Variants in PLD3 observed in about 807,000 individuals in gnomAD.
PLD3 encodes the protein 5'-3' exonuclease PLD3.
Under a neutral mutation model 58.4 loss-of-function variants are expected in PLD3, and 31 were observed. The observed-to-expected ratio is 0.53, with a 90% CI of 0.40 to 0.72. The LOEUF (loss-of-function observed/expected upper bound fraction) is 0.72. PLD3 is among the 30% of genes least tolerant of loss of function. The pLI is 0.00. For synonymous variants in PLD3, 264 were observed against 273.4 expected (o/e 0.97, Z 0.34); for missense variants, 595 against 659.8 (o/e 0.90, Z 1.08).
intron 6 of PLD3, among the ~76,000 whole-genome samples, chr19:40,369,638 T>C (rs1009637098): frequency 6.6e-6 from 1 of 152,196 alleles, no homozygotes; most frequent in Non-Finnish European, 1.5e-5. Flanking sequence ...GCCTTGATGC[T>C]GAATTTTGAG....
intron 1 of PLD3, among the ~76,000 whole-genome samples, chr19:40,362,115 G>T (rs1281151903): frequency 2.0e-5 from 3 of 152,160 alleles, no homozygotes; most frequent in Non-Finnish European, 4.4e-5. Flanking sequence ...GGCATTACAG[G>T]CGTGAGACAC....
chr19:40,351,174 T>G (rs1192498202), intron 1 of PLD3, among the ~76,000 whole-genome samples: 1 of 151,762 alleles, frequency 6.6e-6, no homozygotes, highest in African/African-American at 2.4e-5. Flanking sequence ...GAGGCTGCAG[T>G]GAGCCATGAT....
chr19:40,377,671 CTGTGGGAAGCAGTGGAGTCCCACA>C, intron 11 of PLD3, 91 bp from the exon 12 acceptor site: 2 of 746,582 alleles, frequency 2.7e-6, no homozygotes, highest in Non-Finnish European at 4.6e-6. Context: ...CCCGAGGATT[CTGTGGGAAGCAGTGGAGTCCCACA>C]GATCTCGCTC....
At chr19:40,353,786 A>G (rs528132339) in intron 1 of PLD3, among the ~76,000 whole-genome samples, 2 of 151,828 alleles carry the variant, frequency 1.3e-5, no homozygotes, top group South Asian at 2.1e-4. Context: ...CACTGTGTTA[A>G]CCAGGATGGT....
chr19:40,367,791 C>T lies in PLD3; in HGVS notation c.341C>T (p.Ala114Val), dbSNP rs192746231. 1.9e-5 allele frequency: 31 copies of T among 1,611,766 alleles called. No individual in the cohort carries two copies. The Admixed American group carries it at 3.3e-4, about 17-fold the overall frequency. Reference sequence around the variant, plus strand: ...AGCCAGGCCTGGCTGGGCCTGCTCGCCGGTGCGCACAGCAGCCTGGACATC... The same window carrying T: ...AGCCAGGCCTGGCTGGGCCTGCTCGTCGGTGCGCACAGCAGCCTGGACATC... The part of the protein sequence containing the change: ...STSQAWLGLL[A>V]GAHSSLDIAS... Residue 114 changes from alanine to valine, a missense_variant, in exon 6 of 13, where the codon GCC (alanine) becomes GTC (valine). Physicochemically the swap from Ala to Val is moderately conservative, Grantham distance 64 (BLOSUM62 0). Transcript: ENST00000409735.
intron 9 of PLD3, among the ~76,000 whole-genome samples, chr19:40,373,470 G>C (rs557580191): frequency 2.0e-5 from 3 of 151,930 alleles, no homozygotes; most frequent in African/African-American, 7.3e-5. Context: ...CCAGCTACTC[G>C]GGAGGCTGAG....
intron 9 of PLD3, among the ~76,000 whole-genome samples, chr19:40,372,816 G>A (rs986444792): frequency 3.3e-5 from 5 of 151,816 alleles, no homozygotes; most frequent in Admixed American, 6.6e-5. Flanking sequence ...TTGAGGCTGC[G>A]TGAGCTGATT....
At position 40,376,648 on chromosome 19, in the gene PLD3, C is replaced by T; in HGVS notation, c.1059C>T (p.Thr353=). The change falls in exon 11 of 13, where the codon ACC becomes ACT. Residue 353 remains threonine (T), a synonymous_variant. Coordinates refer to ENST00000409735, the MANE Select transcript of PLD3 (RefSeq NM_012268.4). ...PAIDDGLRRA[T]YERGVKVRLL... ...TTGACGATGGGCTGCGGCGGGCCAC[C>T]TACGAGCGTGGCGTCAAGGTGCGCC... is the stretch of plus-strand genomic sequence containing the variant. The T allele has an allele frequency of 6.2e-7, 1 of 1,608,048 alleles. No homozygotes were observed. The highest frequency in any genetic ancestry group is 8.5e-7 in the Non-Finnish European group (1 of 1,179,982).
At chr19:40,351,235 CA>C (rs1466679007) in intron 1 of PLD3, among the ~76,000 whole-genome samples, 4 of 118,172 alleles carry the variant, frequency 3.4e-5, no homozygotes, top group Admixed American at 1.0e-4. Flanking sequence ...TGTCTCAAAA[CA>C]AAAAAACAAA....
intron 6 of PLD3, 37 bp from the exon 7 acceptor site, chr19:40,369,871 C>G (rs893810207): frequency 2.6e-6 from 4 of 1,518,354 alleles, no homozygotes; most frequent in Non-Finnish European, 3.5e-6. Flanking sequence ...GGAGAGCTGG[C>G]TGGTCCAGCC....
chr19:40,370,510 C>CAA, intron 8 of PLD3: 43 of 211,170 alleles, frequency 2.0e-4, no homozygotes, highest in Middle Eastern at 1.7e-3. Flanking sequence ...CCATCTCTAC[C>CAA]AAAAAAAAAA....
intron 8 of PLD3, 51 bp from the exon 9 acceptor site, chr19:40,371,622 A>G (rs768639400): frequency 1.9e-5 from 24 of 1,292,796 alleles, no homozygotes; most frequent in Admixed American, 7.3e-5. Context: ...TGTCCCTGTC[A>G]TCTGTGAGCA....
Position 40,377,921 on chromosome 19 carries a change from AG to A in PLD3, c.1285+41del, listed in dbSNP as rs748460881. The A allele has an allele frequency of 3.7e-6, 6 of 1,612,622 alleles. No homozygotes were observed. In the South Asian group the frequency reaches 5.5e-5, roughly 15 times the overall value. On this transcript the variant is annotated intron_variant, in intron 12 of 12. Transcript: ENST00000409735. ...TGAGCACCACGGGGCGCTGAAGAAG[AG>A]GGGGTTCAGACACCAGGGGCGGCCC...
chr19:40,377,661 C>G, intron 11 of PLD3, 125 bp from the exon 12 acceptor site: 1 of 711,082 alleles, frequency 1.4e-6, no homozygotes, highest in East Asian at 2.7e-5. Flanking sequence ...TGTTCTGGCC[C>G]CCGAGGATTC....
intron 1 of PLD3, chr19:40,360,580 TAAAAAAAAAAA>T (rs67582213): frequency 9.7e-4 from 112 of 115,188 alleles, no homozygotes; most frequent in African/African-American, 3.6e-3. Flanking sequence ...GACTCCGTCT[TAAAAAAAAAAA>T]AAAAAAAAAA....
At chr19:40,377,430 C>CACAGGCAGAGGGGTCAGGGCTGGGATG (rs2079259347) in intron 11 of PLD3, among the ~76,000 whole-genome samples, 1 of 97,138 alleles carries the variant, frequency 1.0e-5, no homozygotes, top group East Asian at 3.0e-4. Context: ...GGGCCAGGGT[C>CACAGGCAGAGGGGTCAGGGCTGGGATG]GGGGGGCACA....
At chr19:40,376,494 A>C in intron 10 of PLD3, 115 bp from the exon 11 acceptor site, 4 of 929,200 alleles carry the variant, frequency 4.3e-6, no homozygotes, top group Non-Finnish European at 6.5e-6. Flanking sequence ...GCGATGAGGA[A>C]GTCCTCTCAA....
chr19:40,374,339 G>C (rs1300687529), intron 9 of PLD3, 142 bp from the exon 10 acceptor site: 1 of 809,740 alleles, frequency 1.2e-6, no homozygotes, highest in Non-Finnish European at 2.0e-6. Context: ...AAATGGATGT[G>C]GTGATTGACC....
chr19:40,361,188 A>G (rs2078773172), intron 1 of PLD3, among the ~76,000 whole-genome samples: 1 of 151,880 alleles, frequency 6.6e-6, no homozygotes, highest in Non-Finnish European at 1.5e-5. Context: ...TTGGCTCACT[A>G]TAACTTCCTC....
Sources: gnomAD v4.1 joint callset for allele counts (sites outside exome capture counted in the v4.1 genomes callset) on GRCh38, gnomAD v4.1.1 for gene constraint, MANE v1.5 for transcripts, NCBI Gene and HGNC (gene_info 2026-07-23, HGNC 2026-07-21) for gene names.